The following GRP variants were observed in gnomAD, a reference collection of about 807,000 sequenced individuals.
GRP encodes the protein gastrin releasing peptide.
GRP carries 11 observed loss-of-function variants against 12.7 expected under a neutral mutation model. That is an observed-to-expected ratio of 0.87 (90% CI 0.55 to 1.44). The LOEUF is 1.44. GRP is among the 40% of genes most tolerant of loss of function. The probability of loss-of-function intolerance (pLI) is 0.00; values close to 1 mark genes in which losing one functional copy is unlikely to be tolerated. For missense variants in GRP, 212 were observed against 185.4 expected (o/e 1.14, Z -0.83); for synonymous variants, 84 against 77.7 (o/e 1.08, Z -0.43).
intron 2 of GRP, among the ~76,000 whole-genome samples, chr18:59,226,170 ACTT>A (rs1337821557): frequency 6.6e-6 from 1 of 152,176 alleles, no homozygotes; most frequent in African/African-American, 2.4e-5. Flanking sequence ...ACAAAGTAGC[ACTT>A]CTTCATATTT....
intron 1 of GRP, among the ~76,000 whole-genome samples, chr18:59,221,390 C>T (rs962260292): frequency 6.6e-6 from 1 of 152,136 alleles, no homozygotes; most frequent in Admixed American, 6.5e-5. Context: ...CTGGCAGCCT[C>T]GGCTCACCCA....
At chr18:59,222,528 C>T (rs1016880384) in intron 1 of GRP, among the ~76,000 whole-genome samples, 3 of 152,136 alleles carry the variant, frequency 2.0e-5, no homozygotes, top group Non-Finnish European at 2.9e-5. Context: ...GTTGAGAAAA[C>T]GTTTGCTTTG....
chr18:59,223,783 G>A (rs1046670370), intron 1 of GRP, among the ~76,000 whole-genome samples: 8 of 152,098 alleles, frequency 5.3e-5, no homozygotes, highest in African/African-American at 1.9e-4. Context: ...CATAATCACC[G>A]TTATGGCTGA....
upstream of GRP, among the ~76,000 whole-genome samples, chr18:59,219,567 G>C: frequency 7.5e-6 from 1 of 133,248 alleles, no homozygotes; most frequent in African/African-American, 2.8e-5. Flanking sequence ...GGGAGAGGAG[G>C]GGAGAGGAGG....
At position 59,220,305 on chromosome 18, in the gene GRP, G is replaced by T. The variant is rs750431094; in HGVS notation, c.40G>T (p.Val14Phe). 158 of 1,505,718 alleles carry T rather than the reference G, an allele frequency of 1.0e-4. No homozygotes were observed. The highest frequency in any genetic ancestry group is 1.3e-4 in the Non-Finnish European group (147 of 1,131,210). 93.3% of individuals were successfully genotyped at this position (1,505,718 alleles called of 1,614,324 possible). A position where few individuals can be genotyped will look rare whatever the true frequency, so the allele number is the denominator to read the frequency against. The change falls in exon 1 of 3, where the codon GTC becomes TTC. Residue 14 changes from valine (V) to phenylalanine (F), a missense_variant. Coordinates refer to ENST00000256857, the MANE Select transcript of GRP (RefSeq NM_002091.5). ...GCTCCCGCTGGTCCTGCTGGCGCTG[G>T]TCCTCTGCCTGGCGCCCCGGGGGCG... ...RELPLVLLAL[V>F]LCLAPRGRAV...
At chr18:59,226,603 C>T (rs533612542) in intron 2 of GRP, among the ~76,000 whole-genome samples, 99 of 152,292 alleles carry the variant, frequency 6.5e-4, no homozygotes, top group African/African-American at 2.2e-3. Context: ...AGTCCCATAG[C>T]TTTTCACTGA....
Position 59,230,136 on chromosome 18 carries a change from C to CA in GRP, c.383-260dup, listed in dbSNP as rs74653582. Among the ~76,000 whole-genome samples the CA allele has an allele frequency of 2.1e-4, 32 of 151,874 alleles. 1 individual carries two copies. In the East Asian group the frequency reaches 4.4e-3, roughly 21 times the overall value. ...AATAAGATCCCAAAATGCAGTAGCT[C>CA]AAAAAAAAGTAGAAGTTAATTTATC... On this transcript the variant is annotated intron_variant, in intron 2 of 2. Coordinates refer to ENST00000256857, the MANE Select transcript of GRP (RefSeq NM_002091.5).
rs375963114 is a variant in GRP, at chr18:59,225,661, C to A, written c.309C>A (p.Ala103=). 166 of 1,613,876 alleles carry A rather than the reference C, an allele frequency of 1.0e-4. No homozygotes were observed. Among genetic ancestry groups the A allele is most frequent in the Non-Finnish European group, 1.3e-4 (157 of 1,179,944 alleles). The change falls in exon 2 of 3, where the codon GCC becomes GCA. Residue 103 remains alanine, a synonymous_variant. Transcript: ENST00000256857. ...ACCACCAGCCACCTCAACCCAAGGC[C>A]CTGGGCAATCAGCAGCCTTCGTGGG... The part of the protein sequence containing the change: ...NRNHQPPQPK[A]LGNQQPSWDS...
At chr18:59,221,124 C>G (rs2144095624) in intron 1 of GRP, among the ~76,000 whole-genome samples, 1 of 152,402 alleles carries the variant, frequency 6.6e-6, no homozygotes, top group Non-Finnish European at 1.5e-5. Flanking sequence ...ATCCCGATCT[C>G]TCTGCCCCTC....
chr18:59,221,233 C>A (rs1327814059), intron 1 of GRP, among the ~76,000 whole-genome samples: 1 of 152,260 alleles, frequency 6.6e-6, no homozygotes, highest in Non-Finnish European at 1.5e-5. Flanking sequence ...TCTCTAGGCA[C>A]CGGCTTGGAG....
chr18:59,227,032 T>TCTTTCTTC (rs2069946586), intron 2 of GRP, among the ~76,000 whole-genome samples: 2 of 141,350 alleles, frequency 1.4e-5, no homozygotes, highest in African/African-American at 2.8e-5. Flanking sequence ...TTTCTTTCTT[T>TCTTTCTTC]CTTTCTTTCT....
At chr18:59,230,155 A>G (rs1248944249) in intron 2 of GRP, among the ~76,000 whole-genome samples, 1 of 152,118 alleles carries the variant, frequency 6.6e-6, no homozygotes, top group Non-Finnish European at 1.5e-5. Flanking sequence ...GTAGAAGTTA[A>G]TTTATCTCCT....
At chr18:59,221,260 C>G (rs957925744) in intron 1 of GRP, among the ~76,000 whole-genome samples, 1 of 152,232 alleles carries the variant, frequency 6.6e-6, no homozygotes, top group African/African-American at 2.4e-5. Flanking sequence ...TCGCCATGGC[C>G]CCTAGAACCC....
intron 2 of GRP, among the ~76,000 whole-genome samples, chr18:59,227,237 A>C (rs927401901): frequency 3.3e-5 from 5 of 151,972 alleles, no homozygotes; most frequent in African/African-American, 4.8e-5. Context: ...TGTTGCACTA[A>C]GCACCTAGAG....
intron 1 of GRP, among the ~76,000 whole-genome samples, chr18:59,223,148 G>A (rs1483161805): frequency 6.6e-6 from 1 of 152,114 alleles, no homozygotes; most frequent in Admixed American, 6.5e-5. Flanking sequence ...TTAATAAAAA[G>A]AACAAAAGCT....
upstream of GRP, chr18:59,220,109 C>G (rs1568081442): frequency 3.1e-6 from 1 of 320,626 alleles, no homozygotes; most frequent in Non-Finnish European, 5.8e-6. Flanking sequence ...AGCCCCCCAG[C>G]CCCCCCGCCC....
chr18:59,228,940 T>A (rs181964436), intron 2 of GRP, among the ~76,000 whole-genome samples: 2 of 152,290 alleles, frequency 1.3e-5, no homozygotes, highest in East Asian at 3.9e-4. Context: ...TTTTATTTAG[T>A]GGACATGAAG....
At position 59,220,272 on chromosome 18, in the gene GRP, G is replaced by A. The variant is rs1386449278; in HGVS notation, c.7G>A (p.Gly3Ser). ...AGGGCTTCCCGTCGGGACCATGCGC[G>A]GCCGTGAGCTCCCGCTGGTCCTGCT... The part of the protein sequence containing the change: MR[G>S]RELPLVLLAL... Residue 3 changes from glycine (G) to serine (S), a missense_variant, in exon 1 of 3, where the codon GGC (glycine) becomes AGC (serine). Physicochemically the swap from Gly to Ser is moderately conservative, Grantham distance 56. Transcript: ENST00000256857. The A allele has an allele frequency of 4.0e-6, 6 of 1,504,288 alleles. No homozygotes were observed. The East Asian group carries it at 1.6e-4, about 41-fold the overall frequency. 93.2% of individuals were successfully genotyped at this position (1,504,288 alleles called of 1,614,324 possible).
chr18:59,223,759 G>T (rs2069871930), intron 1 of GRP, among the ~76,000 whole-genome samples: 1 of 152,120 alleles, frequency 6.6e-6, no homozygotes, highest in South Asian at 2.1e-4. Flanking sequence ...ACTACTTCCT[G>T]GGAAGTTGCA....
Sources: allele counts gnomAD v4.1 joint callset (sites outside exome capture counted in the v4.1 genomes callset), GRCh38; gene constraint gnomAD v4.1.1; transcripts MANE v1.5; gene names NCBI Gene and HGNC (gene_info 2026-07-23, HGNC 2026-07-21).